Variants in HDAC9 observed in about 807,000 individuals in gnomAD.
HDAC9 encodes the protein MEF-2 interacting transcription repressor (MITR) protein.
A neutral mutation model predicts 139.4 loss-of-function variants in HDAC9; 41 were observed. That is an observed-to-expected ratio of 0.29 (90% CI 0.23 to 0.38). The LOEUF is 0.38. HDAC9 is among the 10% of genes least tolerant of loss of function. The probability of loss-of-function intolerance (pLI) is 1.00; values close to 1 mark genes in which losing one functional copy is unlikely to be tolerated. For missense variants in HDAC9, 1,147 were observed against 1,297.0 expected, an observed-to-expected ratio of 0.88 and a Z score of 1.78; for synonymous variants, 517 against 476.2, an observed-to-expected ratio of 1.09 and a Z score of -1.12.
At chr7:18,611,941 G>A (rs1837279772) in intron 6 of HDAC9, among the ~76,000 whole-genome samples, 2 of 152,032 alleles carry the variant, frequency 1.3e-5, no homozygotes, top group African/African-American at 4.8e-5. Context: ...TTTCAAATAA[G>A]GTATTTCAAA....
At chr7:18,714,365 G>T (rs923882816) in intron 12 of HDAC9, among the ~76,000 whole-genome samples, 1 of 152,180 alleles carries the variant, frequency 6.6e-6, no homozygotes, top group Non-Finnish European at 1.5e-5. Context: ...CAAACTCCTG[G>T]AATCTAAAGC....
rs78579601 is a variant in HDAC9 at position 18,343,016 on chromosome 7, T to C, written c.-42+52501T>C. 2.6e-4 allele frequency among the ~76,000 whole-genome samples: 40 copies of C among 151,832 alleles called. No individual in the cohort carries two copies. In the East Asian group the frequency reaches 7.6e-3, roughly 29 times the overall value. On this transcript the variant is annotated intron_variant, in intron 1 of 3. Coordinates refer to the HDAC9 transcript ENST00000413509. ...TCAAAATGTTCCTCTGAGAGTGAAATTCCCTATCCGGAGAAAAGATTCCCA... is the reference window on the plus strand; with the variant it reads ...TCAAAATGTTCCTCTGAGAGTGAAACTCCCTATCCGGAGAAAAGATTCCCA...
intron 8 of HDAC9, among the ~76,000 whole-genome samples, chr7:18,638,953 A>G (rs543353807): frequency 3.3e-5 from 5 of 152,118 alleles, no homozygotes; most frequent in African/African-American, 1.2e-4. Context: ...GTGGGTTCAA[A>G]TATGTTTCCA....
chr7:18,978,232 A>AT (rs1176571964), intron 25 of HDAC9, among the ~76,000 whole-genome samples: 1 of 152,148 alleles, frequency 6.6e-6, no homozygotes, highest in Non-Finnish European at 1.5e-5. Flanking sequence ...TGGAGAACAT[A>AT]TTGGTGTTTG....
At chr7:18,414,216 T>G (rs148932875) in intron 1 of HDAC9, among the ~76,000 whole-genome samples, 1 of 152,200 alleles carries the variant, frequency 6.6e-6, no homozygotes, top group African/African-American at 2.4e-5. Flanking sequence ...TTCAGATTTT[T>G]TTTTCATTTT....
At chr7:18,698,632 C>T (rs1783230811) in intron 12 of HDAC9, among the ~76,000 whole-genome samples, 2 of 152,258 alleles carry the variant, frequency 1.3e-5, no homozygotes, top group East Asian at 1.9e-4. Context: ...TTCATTTTTC[C>T]CCTTGAAACT....
At chr7:18,366,039 A>G (rs2128695443) in intron 1 of HDAC9, among the ~76,000 whole-genome samples, 1 of 152,118 alleles carries the variant, frequency 6.6e-6, no homozygotes, top group South Asian at 2.1e-4. Context: ...TTATGGTTGA[A>G]AAATCAAATG....
At chr7:18,812,337 T>C (rs1276949625) in intron 17 of HDAC9, among the ~76,000 whole-genome samples, 1 of 151,948 alleles carries the variant, frequency 6.6e-6, no homozygotes, top group East Asian at 1.9e-4. Context: ...ATCTGAAGTA[T>C]TTCTTTCAAC....
chr7:18,677,970 G>C (rs1229945421), intron 12 of HDAC9, among the ~76,000 whole-genome samples: 1 of 151,792 alleles, frequency 6.6e-6, no homozygotes, highest in Non-Finnish European at 1.5e-5. Flanking sequence ...GAGCAATTTT[G>C]AGTTAATTTT....
At chr7:18,217,134 G>A (rs1263355015) in intron 2 of HDAC9, among the ~76,000 whole-genome samples, 2 of 151,900 alleles carry the variant, frequency 1.3e-5, no homozygotes, top group Non-Finnish European at 2.9e-5. Context: ...CATCTCTTTA[G>A]GGTTTATATA....
intron 25 of HDAC9, 70 bp downstream of exon 25, chr7:18,976,023 T>C: frequency 6.7e-7 from 1 of 1,502,718 alleles, no homozygotes. Context: ...TTTGTGAATC[T>C]TCCTCCTGGC....
In HDAC9 at chr7:18,750,909, C is replaced by A. The variant is rs191050067; in HGVS notation, c.2043+1771C>A. On this transcript the variant is annotated intron_variant, in intron 14 of 25. Coordinates refer to ENST00000686413, the MANE Select transcript of HDAC9 (RefSeq NM_178425.4). ...TTTCACATTCACGTTTGTGTTATAT[C>A]CTGCGGCAGCTGGCCTGGTCCTAAC... 2.3e-3 allele frequency among the ~76,000 whole-genome samples: 353 copies of A among 152,254 alleles called. 1 individual carries two copies. Among genetic ancestry groups the A allele is most frequent in the African/African-American group, 8.4e-3 (350 of 41,556 alleles).
chr7:18,364,434 A>G (rs73056518), intron 1 of HDAC9, among the ~76,000 whole-genome samples: 63 of 152,270 alleles, frequency 4.1e-4, no homozygotes, highest in Middle Eastern at 3.4e-3. Context: ...AAAAATAAGC[A>G]ATCAGGAGGA....
At chr7:18,745,868 A>G (rs1363586894) in intron 13 of HDAC9, among the ~76,000 whole-genome samples, 1 of 138,198 alleles carries the variant, frequency 7.2e-6, no homozygotes, top group African/African-American at 2.7e-5. Context: ...CTTGAAGAAT[A>G]TATTTCTTCT....
chr7:18,851,181 A>T (rs955613950), intron 21 of HDAC9, among the ~76,000 whole-genome samples: 23 of 152,204 alleles, frequency 1.5e-4, no homozygotes, highest in African/African-American at 5.3e-4. Flanking sequence ...TGCAGTATCT[A>T]TTCGCTCTAC....
chr7:18,302,699 G>T (rs641998), intron 1 of HDAC9, among the ~76,000 whole-genome samples: 52,153 of 151,916 alleles, frequency 0.34, 10,375 homozygotes, highest in African/African-American at 0.56. Flanking sequence ...AAGGCAGTAG[G>T]AATTGTATGA....
At chr7:18,979,978 G>C (rs145805878) in intron 25 of HDAC9, among the ~76,000 whole-genome samples, 295 of 152,214 alleles carry the variant, frequency 1.9e-3, no homozygotes, top group Middle Eastern at 6.8e-3. Flanking sequence ...AACTATATTA[G>C]CAGGCAAATT....
chr7:18,632,911 T>C (rs1440635924), intron 7 of HDAC9, among the ~76,000 whole-genome samples: 1 of 152,038 alleles, frequency 6.6e-6, no homozygotes, highest in Middle Eastern at 3.4e-3. Flanking sequence ...TGAGGATGAC[T>C]CTAGGGTGAT....
At chr7:18,921,672 A>AT (rs1435172310) in intron 22 of HDAC9, among the ~76,000 whole-genome samples, 1 of 152,182 alleles carries the variant, frequency 6.6e-6, no homozygotes, top group East Asian at 1.9e-4. Flanking sequence ...CAGTGTGGCA[A>AT]TTCCTTAGGG....
Sources: allele counts gnomAD v4.1 joint callset (sites outside exome capture counted in the v4.1 genomes callset), GRCh38; gene constraint gnomAD v4.1.1; transcripts MANE v1.5; gene names NCBI Gene and HGNC (gene_info 2026-07-23, HGNC 2026-07-21).